The following RILPL1 variants were observed in gnomAD, a reference collection of about 807,000 sequenced individuals.
RILPL1 encodes the protein RILP-like protein 1.
Under a neutral mutation model 50.3 loss-of-function variants are expected in RILPL1, and 33 were observed. That is an observed-to-expected ratio of 0.66 (90% CI 0.50 to 0.88). The LOEUF is 0.88. Among genes scored for constraint, RILPL1 ranks in the 40% least tolerant of loss-of-function variants. The probability of loss-of-function intolerance (pLI) is 0.00; values close to 1 mark genes in which losing one functional copy is unlikely to be tolerated. For missense variants in RILPL1, 418 were observed against 542.5 expected, an observed-to-expected ratio of 0.77 and a Z score of 2.28; for synonymous variants, 205 against 228.6, an observed-to-expected ratio of 0.90 and a Z score of 0.93.
chr12:123,507,129 C>T (rs542920544), intron 2 of RILPL1, among the ~76,000 whole-genome samples: 5 of 152,162 alleles, frequency 3.3e-5, no homozygotes, highest in East Asian at 1.9e-4. Flanking sequence ...TATGGAAATT[C>T]GTTTGGCCTT....
chr12:123,525,711 A>AAAAAAAG (rs1885226123), intron 1 of RILPL1, among the ~76,000 whole-genome samples: 2 of 125,918 alleles, frequency 1.6e-5, no homozygotes, highest in African/African-American at 2.6e-5. Flanking sequence ...AAAAAAAAAA[A>AAAAAAAG]AAAAAAAAAA....
At chr12:123,513,439 C>A in intron 2 of RILPL1, 2 of 278,376 alleles carry the variant, frequency 7.2e-6, no homozygotes, top group South Asian at 2.6e-5. Flanking sequence ...GCGGCTGGGT[C>A]TATGTGGAAG....
At chr12:123,477,957 T>C (rs1414030846) in intron 6 of RILPL1, among the ~76,000 whole-genome samples, 1 of 147,702 alleles carries the variant, frequency 6.8e-6, no homozygotes, top group Non-Finnish European at 1.5e-5. Context: ...ACACCTGGAG[T>C]GTTCTGACTG....
chr12:123,531,532 AG>A (rs1455268142), intron 1 of RILPL1, among the ~76,000 whole-genome samples: 1 of 152,018 alleles, frequency 6.6e-6, no homozygotes, highest in Non-Finnish European at 1.5e-5. Context: ...TGAGAGATGG[AG>A]GCCTCTAGGG....
At position 123,489,124 on chromosome 12, in the gene RILPL1, G is replaced by A. The variant is rs1269195648; in HGVS notation, c.802-3319C>T. On this transcript the variant is annotated intron_variant, in intron 4 of 6. Coordinates refer to ENST00000376874, the MANE Select transcript of RILPL1 (RefSeq NM_178314.5). This position sits in a 1 kb window ranked among gnomAD's most constrained non-coding sequence, Gnocchi z 4.0. ...ACCAAGGAGCAACCCTGGATGTCTAGTTATCCAACATTTACTGAGAGCTAA... is the reference window on the plus strand; with the variant it reads ...ACCAAGGAGCAACCCTGGATGTCTAATTATCCAACATTTACTGAGAGCTAA... Among the ~76,000 whole-genome samples the A allele has an allele frequency of 6.6e-6, 1 of 152,156 alleles. No homozygotes were observed. The highest frequency in any genetic ancestry group is 1.5e-5 in the Non-Finnish European group (1 of 68,020).
At chr12:123,507,083 G>C (rs1259663113) in intron 2 of RILPL1, among the ~76,000 whole-genome samples, 1 of 152,234 alleles carries the variant, frequency 6.6e-6, no homozygotes, top group Non-Finnish European at 1.5e-5. Context: ...AAGTGGGGCA[G>C]CTGGAAGACG....
At chr12:123,472,821 G>A (rs1365884360) in intron 6 of RILPL1, 139 bp from the exon 7 acceptor site, 5 of 874,532 alleles carry the variant, frequency 5.7e-6, no homozygotes, top group East Asian at 2.7e-5. Context: ...AAAGTTGGGG[G>A]TGCAGGTCAA....
At chr12:123,505,637 T>G (rs73412272) in intron 2 of RILPL1, among the ~76,000 whole-genome samples, 1 of 151,606 alleles carries the variant, frequency 6.6e-6, no homozygotes, top group African/African-American at 2.4e-5. Context: ...TTGTTTTCTG[T>G]TTTTTTTGAC....
chr12:123,476,720 G>T (rs538733549), intron 6 of RILPL1, among the ~76,000 whole-genome samples: 2 of 149,802 alleles, frequency 1.3e-5, no homozygotes, highest in South Asian at 4.1e-4. Context: ...CCCTGCTGAC[G>T]CCTTTATCGT....
Position 123,495,744 on chromosome 12 carries a change from G to A in RILPL1, c.801+2800C>T, listed in dbSNP as rs1185921166. On this transcript the variant is annotated intron_variant, in intron 4 of 6. Transcript: ENST00000376874. The stretch of plus-strand genomic sequence containing the variant: ...TGCCCAGGCTGGAGTGCAGTGGTGC[G>A]ATCTCAGCTAACGGCAACCTCCGCC... 2.6e-4 allele frequency among the ~76,000 whole-genome samples: 37 copies of A among 142,222 alleles called. No homozygotes were observed. In the Admixed American group the frequency reaches 2.6e-3, roughly 10 times the overall value. The allele number at this position is 142,222 out of a possible 152,430, so 93.3% of individuals were successfully genotyped here.
At chr12:123,507,760 G>A (rs1402303062) in intron 2 of RILPL1, among the ~76,000 whole-genome samples, 1 of 151,472 alleles carries the variant, frequency 6.6e-6, no homozygotes, top group Non-Finnish European at 1.5e-5. Context: ...TGACCAACAT[G>A]GAGAAACCCC....
rs749657516 is a variant in RILPL1, at chr12:123,516,033, CAAAA to C, written c.460+7458_460+7461del. Among the ~76,000 whole-genome samples, 318 of 36,170 alleles carry C rather than the reference CAAAA, an allele frequency of 8.8e-3. 5 individuals carry two copies. Among genetic ancestry groups the C allele is most frequent in the African/African-American group, 0.026 (283 of 10,776 alleles). The allele number at this position is 36,170 out of a possible 152,430, so 23.7% of individuals were successfully genotyped here. A position where few individuals can be genotyped will look rare whatever the true frequency, so the allele number is the denominator to read the frequency against. ...TGGGCCACAGAGCGAGACTCTGTCT[CAAAA>C]AAAAAAAAAAAAAAAAAAAAAAATG... is the stretch of plus-strand genomic sequence containing the variant. On this transcript the variant is annotated intron_variant, in intron 2 of 6. Coordinates refer to ENST00000376874, the MANE Select transcript of RILPL1 (RefSeq NM_178314.5).
chr12:123,507,066 G>T (rs1024850522), intron 2 of RILPL1, among the ~76,000 whole-genome samples: 14 of 152,198 alleles, frequency 9.2e-5, no homozygotes, highest in Admixed American at 1.3e-4. Flanking sequence ...ACCAAGTGCT[G>T]GTGAGAAAGT....
At position 123,498,636 on chromosome 12, in the gene RILPL1, C is replaced by T. The variant is rs1281228314; in HGVS notation, c.709G>A (p.Glu237Lys). 1.2e-6 allele frequency: 2 copies of T among 1,613,810 alleles called. No individual in the cohort carries two copies. Among genetic ancestry groups the T allele is most frequent in the Non-Finnish European group, 1.7e-6 (2 of 1,179,894 alleles). The part of the protein sequence containing the change: ...VELEADLQTK[E>K]QEMGSLRAEL... ...GCTCGCAGGCTGCCCATCTCCTGCT[C>T]CTTGGTCTGCAGGTCTGCCTCCAGC... is the stretch of plus-strand genomic sequence containing the variant. The change falls in exon 4 of 7, where the codon GAG (glutamate) becomes AAG (lysine). Residue 237 changes from glutamate to lysine, a missense_variant. By Grantham distance (56) the Glu-to-Lys change is moderately conservative (BLOSUM62 1). Coordinates refer to ENST00000376874, the MANE Select transcript of RILPL1 (RefSeq NM_178314.5). The surrounding 1 kb of genome is among the most constrained non-coding windows in gnomAD (Gnocchi z 4.3).
chr12:123,522,570 C>G lies in RILPL1; in HGVS notation c.460+925G>C, dbSNP rs890509345. Reference sequence around the variant, plus strand: ...CTGACCCCTGTGACCTCATTTCCAGCCTCCTGAGGCCTCAATCATCTTCTG... The same window carrying G: ...CTGACCCCTGTGACCTCATTTCCAGGCTCCTGAGGCCTCAATCATCTTCTG... On this transcript the variant is annotated intron_variant, in intron 2 of 6. Coordinates refer to ENST00000376874, the MANE Select transcript of RILPL1 (RefSeq NM_178314.5). This position sits in a 1 kb window ranked among gnomAD's most constrained non-coding sequence, Gnocchi z 4.0. Among the ~76,000 whole-genome samples the G allele has an allele frequency of 3.3e-5, 5 of 152,142 alleles. No individual in the cohort carries two copies. The highest frequency in any genetic ancestry group is 1.2e-4 in the African/African-American group (5 of 41,418).
chr12:123,508,156 G>A (rs556259601), intron 2 of RILPL1, among the ~76,000 whole-genome samples: 3 of 152,128 alleles, frequency 2.0e-5, no homozygotes, highest in Non-Finnish European at 4.4e-5. Context: ...CACTTTGGGG[G>A]GCCAAGGCAG....
At chr12:123,516,593 C>A (rs973299293) in intron 2 of RILPL1, among the ~76,000 whole-genome samples, 1 of 152,212 alleles carries the variant, frequency 6.6e-6, no homozygotes, top group Non-Finnish European at 1.5e-5. Context: ...AGAATCTGAC[C>A]TAAACAGTTC....
chr12:123,488,710 C>T (rs1192525094), intron 4 of RILPL1, among the ~76,000 whole-genome samples: 2 of 152,192 alleles, frequency 1.3e-5, no homozygotes, highest in African/African-American at 4.8e-5. Context: ...CAAGCTGACC[C>T]TGCCCAGCCT....
chr12:123,513,241 T>G, intron 2 of RILPL1: 1 of 256,284 alleles, frequency 3.9e-6, no homozygotes, highest in South Asian at 3.1e-5. Context: ...GTTTGGGGGC[T>G]GAGGTCCCAT....
Sources: gnomAD v4.1 joint callset for allele counts (sites outside exome capture counted in the v4.1 genomes callset) on GRCh38, gnomAD v4.1.1 for gene constraint, Gnocchi (gnomAD v3.1) non-coding constraint, MANE v1.5 for transcripts, NCBI Gene and HGNC (gene_info 2026-07-23, HGNC 2026-07-21) for gene names.